The following SAFB variants were observed in gnomAD, a reference collection of about 807,000 sequenced individuals.
SAFB encodes the protein scaffold attachment factor B, also known as scaffold attachment factor B1.
SAFB carries 15 observed loss-of-function variants against 101.6 expected under a neutral mutation model. That is an observed-to-expected ratio of 0.15 (90% CI 0.10 to 0.23). The LOEUF (loss-of-function observed/expected upper bound fraction) is 0.23, where lower values mean the gene tolerates loss of function less well. Ranked by LOEUF, SAFB falls within the 10% of genes least tolerant of loss-of-function variation. The pLI is 1.00. For missense variants in SAFB, 930 were observed against 1,104.1 expected (o/e 0.84, Z 2.23); for synonymous variants, 449 against 407.5 (o/e 1.10, Z -1.23).
At chr19:5,668,084 T>C (rs2145504914) in intron 20 of SAFB, 78 bp from the exon 21 acceptor site, 3 of 1,547,952 alleles carry the variant, frequency 1.9e-6, no homozygotes, top group East Asian at 2.3e-5. Context: ...CAGGCAACAC[T>C]CAGGGAAGCT....
In SAFB at chr19:5,654,102, A is replaced by G; in HGVS notation, c.1568A>G (p.Asp523Gly). 1 of 1,614,184 alleles carries G rather than the reference A, an allele frequency of 6.2e-7. No homozygotes were observed. The highest frequency in any genetic ancestry group is 2.2e-5 in the East Asian group (1 of 44,888). Residue 523 changes from aspartate to glycine, a missense_variant, in exon 12 of 21, where the codon GAT becomes GGT. Coordinates refer to ENST00000588852, the MANE Select transcript of SAFB (RefSeq NM_001201338.2). Reference protein sequence around the residue: ...LKRDDKCDRKDDAKKGDDGSG... With the variant: ...LKRDDKCDRKGDAKKGDDGSG... Reference sequence around the variant, plus strand: ...AGGGATGATAAATGTGACAGAAAAGATGATGCTAAGAAGGGTGACGACGGA... The same window carrying G: ...AGGGATGATAAATGTGACAGAAAAGGTGATGCTAAGAAGGGTGACGACGGA...
intron 2 of SAFB, among the ~76,000 whole-genome samples, chr19:5,634,401 G>T (rs115256884): frequency 6.6e-6 from 1 of 152,142 alleles, no homozygotes; most frequent in Non-Finnish European, 1.5e-5. Flanking sequence ...AAGTTTGAGG[G>T]TTTGTTCATT....
chr19:5,629,050 G>C (rs1350287469), intron 2 of SAFB, among the ~76,000 whole-genome samples: 1 of 152,124 alleles, frequency 6.6e-6, no homozygotes, highest in East Asian at 1.9e-4. Flanking sequence ...TTTCACCTCA[G>C]CCCCACAAAA....
In SAFB at chr19:5,657,279, G is replaced by A. The variant is rs779517243; in HGVS notation, c.1794G>A (p.Glu598=). 6.8e-6 allele frequency: 11 copies of A among 1,614,102 alleles called. No homozygotes were observed. The South Asian group carries it at 1.2e-4, about 18-fold the overall frequency. ...AGGATCGCAAATCAGCCAGCAGAGA[G>A]AAGCGGTCCGTCGTGTCCTTTGATA... ...KSQDRKSASR[E]KRSVVSFDKV... The change falls in exon 14 of 21, where the codon GAG becomes GAA. Residue 598 remains glutamate (E), a synonymous_variant. Coordinates refer to ENST00000588852, the MANE Select transcript of SAFB (RefSeq NM_001201338.2).
chr19:5,629,109 C>T (rs1168978698), intron 2 of SAFB, among the ~76,000 whole-genome samples: 1 of 152,152 alleles, frequency 6.6e-6, no homozygotes, highest in Non-Finnish European at 1.5e-5. Context: ...TTTTAAAATA[C>T]GTGCATGGGA....
At chr19:5,653,978 T>C in intron 11 of SAFB, 83 bp from the exon 12 acceptor site, 1 of 1,349,232 alleles carries the variant, frequency 7.4e-7, no homozygotes, top group South Asian at 1.3e-5. Context: ...CGGTCTCATG[T>C]GATCCGCCCG....
intron 14 of SAFB, 70 bp from the exon 15 acceptor site, chr19:5,661,448 T>G: frequency 6.3e-7 from 1 of 1,584,754 alleles, no homozygotes; most frequent in Non-Finnish European, 8.6e-7. Context: ...CCCAGCGTCT[T>G]ACTTAAAGTC....
At chr19:5,656,875 A>AT (rs2054075093) in intron 13 of SAFB, among the ~76,000 whole-genome samples, 1 of 151,730 alleles carries the variant, frequency 6.6e-6, no homozygotes, top group African/African-American at 2.4e-5. Flanking sequence ...GGTTCACGCC[A>AT]TTCTCCTGCT....
chr19:5,656,581 T>TTG (rs1440592775), intron 13 of SAFB, among the ~76,000 whole-genome samples: 1 of 148,964 alleles, frequency 6.7e-6, no homozygotes, highest in Non-Finnish European at 1.5e-5. Context: ...AGCAATTTTT[T>TTG]TTTTTTTTTT....
chr19:5,653,475 T>C, intron 11 of SAFB, 55 bp downstream of exon 11: 1 of 1,532,508 alleles, frequency 6.5e-7, no homozygotes, highest in Non-Finnish European at 9.0e-7. Flanking sequence ...GTTGTTGTTG[T>C]TTTGTTTTTG....
chr19:5,650,628 G>A (rs1260770842), intron 8 of SAFB, among the ~76,000 whole-genome samples: 1 of 152,106 alleles, frequency 6.6e-6, no homozygotes, highest in Non-Finnish European at 1.5e-5. Context: ...GGCCAGGCTG[G>A]TCTCGAACTC....
At chr19:5,634,409 A>G (rs987098996) in intron 2 of SAFB, among the ~76,000 whole-genome samples, 17 of 152,172 alleles carry the variant, frequency 1.1e-4, no homozygotes, top group South Asian at 4.2e-4. Context: ...GGGTTTGTTC[A>G]TTTGATGGTG....
chr19:5,664,503 C>A, intron 17 of SAFB, 64 bp downstream of exon 17: 1 of 1,271,664 alleles, frequency 7.9e-7, no homozygotes, highest in Non-Finnish European at 1.2e-6. Flanking sequence ...TTCCCTTCAG[C>A]GTGCCTTCTT....
intron 13 of SAFB, among the ~76,000 whole-genome samples, 173 bp from the exon 14 acceptor site, chr19:5,657,068 G>A (rs1054855766): frequency 1.3e-5 from 2 of 152,052 alleles, no homozygotes; most frequent in Non-Finnish European, 2.9e-5. Flanking sequence ...ACTGCGCCCG[G>A]CAATTTTTAT....
At chr19:5,636,897 CA>C (rs943718046) in intron 2 of SAFB, among the ~76,000 whole-genome samples, 1 of 151,522 alleles carries the variant, frequency 6.6e-6, no homozygotes, top group African/African-American at 2.4e-5. Context: ...TTAGTAGAGA[CA>C]GGGTCTCACC....
intron 2 of SAFB, among the ~76,000 whole-genome samples, chr19:5,640,582 T>TTTTTG (rs939442960): frequency 4.6e-5 from 7 of 151,998 alleles, no homozygotes; most frequent in East Asian, 1.9e-4. Context: ...TCCTCTGCAA[T>TTTTTG]TTTTGTTTTG....
chr19:5,634,776 T>G (rs1403225829), intron 2 of SAFB, among the ~76,000 whole-genome samples: 1 of 152,142 alleles, frequency 6.6e-6, no homozygotes, highest in Non-Finnish European at 1.5e-5. Flanking sequence ...AAAGATTCCC[T>G]TGCTGGTAGT....
At chr19:5,624,870 A>T (rs773666036) in intron 1 of SAFB, among the ~76,000 whole-genome samples, 37 of 152,096 alleles carry the variant, frequency 2.4e-4, no homozygotes, top group Non-Finnish European at 4.0e-4. Flanking sequence ...AAATGCAGAG[A>T]GTGGAGATTG....
chr19:5,644,283 A>G (rs889520478), intron 4 of SAFB, among the ~76,000 whole-genome samples: 2 of 152,168 alleles, frequency 1.3e-5, no homozygotes, highest in African/African-American at 4.8e-5. Context: ...TTCAATGCCT[A>G]GCATCTAGAA....
Sources: gnomAD v4.1 joint callset for allele counts (sites outside exome capture counted in the v4.1 genomes callset) on GRCh38, gnomAD v4.1.1 for gene constraint, MANE v1.5 for transcripts, NCBI Gene and HGNC (gene_info 2026-07-23, HGNC 2026-07-21) for gene names.